The following PDGFD variants were observed in gnomAD, a reference collection of about 807,000 sequenced individuals.
The protein encoded by PDGFD is platelet derived growth factor D.
In PDGFD, 30 loss-of-function variants were observed where a neutral mutation model predicts 44.7. The observed-to-expected ratio is 0.67, with a 90% CI of 0.50 to 0.91. The LOEUF is 0.91. Ranked by LOEUF, PDGFD falls within the 40% of genes least tolerant of loss-of-function variation. The pLI, the probability that PDGFD is intolerant of heterozygous loss-of-function variation, is 0.00. For missense variants in PDGFD, 445 were observed against 457.8 expected, an observed-to-expected ratio of 0.97 and a Z score of 0.25; for synonymous variants, 173 against 168.4, an observed-to-expected ratio of 1.03 and a Z score of -0.21.
chr11:104,091,297 G>C (rs1353315305), intron 1 of PDGFD, among the ~76,000 whole-genome samples: 1 of 152,036 alleles, frequency 6.6e-6, no homozygotes, highest in Non-Finnish European at 1.5e-5. Flanking sequence ...TACAGAATCA[G>C]GAATTTTTTT....
chr11:104,122,780 T>G (rs997798243), intron 1 of PDGFD, among the ~76,000 whole-genome samples: 2 of 152,100 alleles, frequency 1.3e-5, no homozygotes, highest in Admixed American at 6.6e-5. Context: ...ACACATGCCT[T>G]TAACTTCAGT....
chr11:104,064,763 A>G (rs1356015041), intron 1 of PDGFD, among the ~76,000 whole-genome samples: 1 of 148,402 alleles, frequency 6.7e-6, no homozygotes, highest in Non-Finnish European at 1.5e-5. Context: ...GTCTCCTTTT[A>G]TATTGCATAT....
chr11:103,911,055 C>A (rs1185832365), intron 6 of PDGFD, among the ~76,000 whole-genome samples: 1 of 152,220 alleles, frequency 6.6e-6, no homozygotes, highest in African/African-American at 2.4e-5. Flanking sequence ...TTGGGCAGGT[C>A]ATCTCTGAAA....
At chr11:104,119,190 G>GGTATAAT (rs1861708791) in intron 1 of PDGFD, among the ~76,000 whole-genome samples, 1 of 4,864 alleles carries the variant, frequency 2.1e-4, no homozygotes, top group African/African-American at 4.6e-4. Context: ...ATAATATATT[G>GGTATAAT]ATATAATATA....
intron 3 of PDGFD, among the ~76,000 whole-genome samples, chr11:103,970,672 G>A (rs1859090280): frequency 1.3e-5 from 2 of 152,076 alleles, no homozygotes; most frequent in Non-Finnish European, 2.9e-5. Flanking sequence ...AGTACTTGAT[G>A]TACAGTACAT....
At chr11:103,988,330 T>C (rs1859401360) in intron 3 of PDGFD, among the ~76,000 whole-genome samples, 2 of 151,754 alleles carry the variant, frequency 1.3e-5, no homozygotes, top group African/African-American at 4.8e-5. Context: ...TATAATTAGA[T>C]ACTAGATAAA....
At chr11:104,045,625 T>C (rs10400384) in intron 1 of PDGFD, among the ~76,000 whole-genome samples, 136 of 151,756 alleles carry the variant, frequency 9.0e-4, no homozygotes, top group African/African-American at 3.2e-3. Flanking sequence ...TAGGTAAGGA[T>C]AGTGATAGAC....
At chr11:104,144,780 T>C (rs1327874379) in intron 1 of PDGFD, among the ~76,000 whole-genome samples, 1 of 152,184 alleles carries the variant, frequency 6.6e-6, no homozygotes, top group Admixed American at 6.5e-5. Context: ...TGATCCACTG[T>C]ATGACTTCAG....
At chr11:104,024,520 T>C (rs1860012446) in intron 1 of PDGFD, among the ~76,000 whole-genome samples, 2 of 152,184 alleles carry the variant, frequency 1.3e-5, no homozygotes, top group Admixed American at 1.3e-4. Context: ...GATCATAACA[T>C]TGTATTTTTA....
chr11:104,143,478 G>A (rs1862116819), intron 1 of PDGFD, among the ~76,000 whole-genome samples: 3 of 152,302 alleles, frequency 2.0e-5, no homozygotes, highest in Middle Eastern at 6.8e-3. Flanking sequence ...CCTGGCAGCC[G>A]AAGGTCTGGT....
At chr11:103,938,263 G>A (rs1015881359) in intron 5 of PDGFD, among the ~76,000 whole-genome samples, 1 of 152,144 alleles carries the variant, frequency 6.6e-6, no homozygotes, top group African/African-American at 2.4e-5. Flanking sequence ...GTGTGAGATG[G>A]TATCTCATTG....
chr11:103,909,994 T>C (rs540979746), intron 6 of PDGFD, among the ~76,000 whole-genome samples, 175 bp from the exon 7 acceptor site: 1 of 152,334 alleles, frequency 6.6e-6, no homozygotes, highest in Non-Finnish European at 1.5e-5. Flanking sequence ...ATTTTTCAAA[T>C]AATTGACTCC....
chr11:103,913,592 CT>C (rs1858066591), intron 6 of PDGFD, among the ~76,000 whole-genome samples: 1 of 152,076 alleles, frequency 6.6e-6, no homozygotes, highest in Admixed American at 6.5e-5. Flanking sequence ...ATTAAAAGAA[CT>C]AGAGAAGAAA....
At chr11:104,135,484 C>T (rs1025872572) in intron 1 of PDGFD, among the ~76,000 whole-genome samples, 1 of 152,182 alleles carries the variant, frequency 6.6e-6, no homozygotes, top group African/African-American at 2.4e-5. Flanking sequence ...TTCTATGTGA[C>T]TTAGCACGCC....
In PDGFD at chr11:104,118,752, A is replaced by G. The variant is rs185254779; in HGVS notation, c.124+45052T>C. Reference sequence around the variant, plus strand: ...AATATATTAATATATATTATTATATAGTATATATTATAAATATTAATATAT... The same window carrying G: ...AATATATTAATATATATTATTATATGGTATATATTATAAATATTAATATAT... On this transcript the variant is annotated intron_variant, in intron 1 of 6. Coordinates refer to ENST00000393158, the MANE Select transcript of PDGFD (RefSeq NM_025208.5). Among the ~76,000 whole-genome samples, 1,168 of 119,272 alleles carry G rather than the reference A, an allele frequency of 9.8e-3. 28 individuals carry two copies. The highest frequency in any genetic ancestry group is 0.035 in the African/African-American group (1,071 of 30,842). 78.2% of individuals were successfully genotyped at this position (119,272 alleles called of 152,430 possible). A position where few individuals can be genotyped will look rare whatever the true frequency, so the allele number is the denominator to read the frequency against.
chr11:103,936,612 A>G (rs1045784051), intron 5 of PDGFD, among the ~76,000 whole-genome samples: 1 of 152,134 alleles, frequency 6.6e-6, no homozygotes, highest in African/African-American at 2.4e-5. Flanking sequence ...TTAGAGTCAA[A>G]TGTTTTAGAT....
Position 104,153,110 on chromosome 11 carries a change from T to C in PDGFD, c.124+10694A>G, listed in dbSNP as rs768248170. ...TTTCTATCTTTATGACCTTCTCTTA[T>C]CTGCTCTTCCTGTGTTACTTCCTAT... On this transcript the variant is annotated intron_variant, in intron 1 of 6. Coordinates refer to ENST00000393158, the MANE Select transcript of PDGFD (RefSeq NM_025208.5). Among the ~76,000 whole-genome samples the C allele has an allele frequency of 5.9e-5, 9 of 152,158 alleles. No homozygotes were observed. The South Asian group carries it at 6.2e-4, about 11-fold the overall frequency.
In PDGFD at chr11:104,163,981, C is replaced by T; in HGVS notation, c.-54G>A. On this transcript the variant is annotated 5_prime_UTR_variant, in exon 1 of 7. Coordinates refer to ENST00000393158, the MANE Select transcript of PDGFD (RefSeq NM_025208.5). ...CTCCAAGAAAAAGCCGGGTTCTGCTCCCGGGACCGACGCCGCGCCGCCCTG... is the reference window on the plus strand; with the variant it reads ...CTCCAAGAAAAAGCCGGGTTCTGCTTCCGGGACCGACGCCGCGCCGCCCTG... The T allele has an allele frequency of 6.8e-7, 1 of 1,474,360 alleles. No individual in the cohort carries two copies. Among genetic ancestry groups the T allele is most frequent in the Non-Finnish European group, 9.1e-7 (1 of 1,097,536 alleles). The allele number at this position is 1,474,360 out of a possible 1,614,324, so 91.3% of individuals were successfully genotyped here. A position where few individuals can be genotyped will look rare whatever the true frequency, so the allele number is the denominator to read the frequency against.
At chr11:104,134,642 T>C (rs1047594444) in intron 1 of PDGFD, among the ~76,000 whole-genome samples, 3 of 151,986 alleles carry the variant, frequency 2.0e-5, no homozygotes, top group African/African-American at 7.3e-5. Flanking sequence ...AGCTCTGAGA[T>C]CCTACACACA....
Sources: allele counts gnomAD v4.1 joint callset (sites outside exome capture counted in the v4.1 genomes callset), GRCh38; gene constraint gnomAD v4.1.1; transcripts MANE v1.5; gene names NCBI Gene and HGNC (gene_info 2026-07-23, HGNC 2026-07-21).